Variants in GSAP observed in about 807,000 individuals in gnomAD.
GSAP encodes the protein gamma-secretase activating protein.
A neutral mutation model predicts 131.7 loss-of-function variants in GSAP; 118 were observed. That is an observed-to-expected ratio of 0.90 (90% CI 0.77 to 1.04). The LOEUF is 1.04. Among genes scored for constraint, GSAP ranks in the 50% least tolerant of loss-of-function variants. GSAP has a pLI of 0.00. For missense variants in GSAP, 1,019 were observed against 1,013.2 expected, an observed-to-expected ratio of 1.01 and a Z score of -0.08; for synonymous variants, 381 against 363.4, an observed-to-expected ratio of 1.05 and a Z score of -0.55.
intron 26 of GSAP, among the ~76,000 whole-genome samples, chr7:77,317,491 C>T (rs577154423): frequency 2.2e-4 from 33 of 152,244 alleles, no homozygotes; most frequent in African/African-American, 5.8e-4. Context: ...CAAACCTGCA[C>T]GTTGTGCACA....
intron 19 of GSAP, among the ~76,000 whole-genome samples, chr7:77,331,267 C>T (rs2150688346): frequency 6.6e-6 from 1 of 152,312 alleles, no homozygotes; most frequent in East Asian, 1.9e-4. Context: ...TGCCACTGCA[C>T]TCCAGCCTGG....
At chr7:77,320,505 AG>A (rs1787487577) in intron 26 of GSAP, among the ~76,000 whole-genome samples, 1 of 152,142 alleles carries the variant, frequency 6.6e-6, no homozygotes, top group African/African-American at 2.4e-5. Context: ...GGGTAAGCCT[AG>A]GTTCCCTAAA....
chr7:77,409,743 CTAAGA>C (rs1374369636), intron 1 of GSAP, among the ~76,000 whole-genome samples: 2 of 152,104 alleles, frequency 1.3e-5, no homozygotes, highest in Non-Finnish European at 2.9e-5. Flanking sequence ...AAGGTTTCGG[CTAAGA>C]TAAGAACTCC....
chr7:77,372,193 G>T (rs1209948507), intron 12 of GSAP, among the ~76,000 whole-genome samples: 1 of 152,184 alleles, frequency 6.6e-6, no homozygotes, highest in Non-Finnish European at 1.5e-5. Context: ...GATAAATCCA[G>T]AACGTGGATC....
chr7:77,337,012 A>T (rs564705992), intron 19 of GSAP, among the ~76,000 whole-genome samples: 127 of 152,330 alleles, frequency 8.3e-4, no homozygotes, highest in Middle Eastern at 3.4e-3. Context: ...TAAAATTGTA[A>T]ACTATTATAC....
intron 30 of GSAP, 126 bp from the exon 31 acceptor site, chr7:77,311,575 G>T (rs533684922): frequency 1.5e-4 from 93 of 606,944 alleles, no homozygotes; most frequent in African/African-American, 1.5e-3. Context: ...TTTTAAGAAT[G>T]TGTTCTTAAA....
chr7:77,323,829 T>A (rs1787971089), intron 23 of GSAP, 87 bp from the exon 24 acceptor site: 1 of 562,396 alleles, frequency 1.8e-6, no homozygotes, highest in African/African-American at 2.0e-5. Flanking sequence ...ATTAACATTC[T>A]TCATCAATAT....
chr7:77,398,373 T>C (rs1032607162), intron 3 of GSAP, among the ~76,000 whole-genome samples: 5 of 152,070 alleles, frequency 3.3e-5, no homozygotes, highest in Admixed American at 6.5e-5. Context: ...CATGTGAGAA[T>C]TGTCGGTTTC....
At chr7:77,327,157 G>C (rs1034278151) in intron 22 of GSAP, 1 of 152,184 alleles carries the variant, frequency 6.6e-6, no homozygotes, top group Non-Finnish European at 1.5e-5. Context: ...ATTCTTTATG[G>C]GGAACTAGTA....
chr7:77,411,511 G>A (rs115137777), intron 1 of GSAP, among the ~76,000 whole-genome samples: 1,856 of 152,296 alleles, frequency 0.012, 35 homozygotes, highest in African/African-American at 0.043. Flanking sequence ...TTTTAAGTGT[G>A]CTAGTTATGA....
chr7:77,388,903 A>G (rs1346680873), intron 5 of GSAP, among the ~76,000 whole-genome samples: 1 of 152,260 alleles, frequency 6.6e-6, no homozygotes, highest in Admixed American at 6.5e-5. Flanking sequence ...TATAATATAC[A>G]TACTACAGAA....
At chr7:77,380,417 TA>T (rs1231849942) in intron 8 of GSAP, among the ~76,000 whole-genome samples, 4 of 152,098 alleles carry the variant, frequency 2.6e-5, no homozygotes, top group Non-Finnish European at 1.5e-5. Context: ...CTCAAAGAAA[TA>T]CATGTACCAA....
chr7:77,332,745 T>A (rs1357601522), intron 19 of GSAP, among the ~76,000 whole-genome samples: 1 of 152,244 alleles, frequency 6.6e-6, no homozygotes, highest in Non-Finnish European at 1.5e-5. Flanking sequence ...CGAACTTACA[T>A]GTTTTTTAGG....
intron 3 of GSAP, among the ~76,000 whole-genome samples, chr7:77,402,923 G>A (rs1801626859): frequency 6.6e-6 from 1 of 152,114 alleles, no homozygotes; most frequent in Non-Finnish European, 1.5e-5. Flanking sequence ...CCACTCTGGA[G>A]GGAACCTATC....
At chr7:77,317,775 C>A (rs10499833) in intron 26 of GSAP, among the ~76,000 whole-genome samples, 15,772 of 152,240 alleles carry the variant, frequency 0.1, 940 homozygotes, top group African/African-American at 0.16. Context: ...ACTGTCAATC[C>A]ATTTCCCTAC....
chr7:77,359,361 A>C (rs1794214964), intron 14 of GSAP, among the ~76,000 whole-genome samples: 1 of 152,206 alleles, frequency 6.6e-6, no homozygotes, highest in Admixed American at 6.5e-5. Context: ...ATAACAAGTA[A>C]AATACTTAAC....
At chr7:77,370,392 A>G (rs1795945569) in intron 12 of GSAP, among the ~76,000 whole-genome samples, 1 of 152,106 alleles carries the variant, frequency 6.6e-6, no homozygotes, top group South Asian at 2.1e-4. Flanking sequence ...ACCCGGGAGG[A>G]GGAGGTTGCA....
At chr7:77,379,924 TTC>T (rs1797544114) in intron 8 of GSAP, 5 of 962,882 alleles carry the variant, frequency 5.2e-6, no homozygotes, top group Non-Finnish European at 6.2e-6. Flanking sequence ...AAATTCCATT[TTC>T]TGTTTCAATT....
intron 26 of GSAP, 198 bp from the exon 27 acceptor site, chr7:77,314,687 T>G (rs1794781416): frequency 1.9e-6 from 1 of 518,938 alleles, no homozygotes; most frequent in Admixed American, 3.2e-5. Context: ...TATAGTAAGT[T>G]TCCGGTAAGT....
Sources: gnomAD v4.1 joint callset for allele counts (sites outside exome capture counted in the v4.1 genomes callset) on GRCh38, gnomAD v4.1.1 for gene constraint, MANE v1.5 for transcripts, NCBI Gene and HGNC (gene_info 2026-07-23, HGNC 2026-07-21) for gene names.